Variants in PPFIA2 observed in about 807,000 individuals in gnomAD.
PPFIA2 encodes liprin-alpha-2.
A neutral mutation model predicts 175.5 loss-of-function variants in PPFIA2; 46 were observed. The ratio of observed to expected loss-of-function variants is 0.26; its 90% CI spans 0.21 to 0.34. The LOEUF (loss-of-function observed/expected upper bound fraction) is 0.34. Among genes scored for constraint, PPFIA2 ranks in the 10% least tolerant of loss-of-function variants. The pLI is 1.00. For missense variants in PPFIA2, 1,179 were observed against 1,506.1 expected (o/e 0.78, Z 3.60); for synonymous variants, 568 against 511.4 (o/e 1.11, Z -1.49).
intron 4 of PPFIA2, among the ~76,000 whole-genome samples, chr12:81,518,726 C>G (rs2062761509): frequency 6.6e-6 from 1 of 152,136 alleles, no homozygotes; most frequent in African/African-American, 2.4e-5. Context: ...TTAATAGTTG[C>G]CTCTTTTCCT....
intron 3 of PPFIA2, among the ~76,000 whole-genome samples, chr12:81,736,031 G>A (rs1295515881): frequency 6.6e-6 from 1 of 151,778 alleles, no homozygotes; most frequent in Non-Finnish European, 1.5e-5. Flanking sequence ...TGTTTTTCAA[G>A]ATTGTTTTAA....
chr12:81,439,263 T>C (rs1256826638), intron 7 of PPFIA2, among the ~76,000 whole-genome samples: 12 of 149,720 alleles, frequency 8.0e-5, no homozygotes, highest in Admixed American at 7.4e-4. Context: ...ACTATAATAA[T>C]ACTTCAGGGA....
At chr12:81,688,802 A>AATATATATAT (rs3075480) in intron 3 of PPFIA2, among the ~76,000 whole-genome samples, 5,511 of 140,600 alleles carry the variant, frequency 0.039, 122 homozygotes, top group Middle Eastern at 0.062. Context: ...TGGTTTATTA[A>AATATATATAT]ATATATATAT....
intron 13 of PPFIA2, among the ~76,000 whole-genome samples, chr12:81,367,700 TATTACATG>T: frequency 6.6e-6 from 1 of 151,640 alleles, no homozygotes; most frequent in Non-Finnish European, 1.5e-5. Flanking sequence ...AGAAACCTAA[TATTACATG>T]TCACAAAGTC....
At chr12:81,269,771 A>G (rs963656575) in intron 28 of PPFIA2, among the ~76,000 whole-genome samples, 4 of 152,172 alleles carry the variant, frequency 2.6e-5, no homozygotes, top group Admixed American at 2.0e-4. Context: ...GAATTTATCT[A>G]CGCTTTAGCA....
intron 7 of PPFIA2, among the ~76,000 whole-genome samples, chr12:81,431,670 T>C (rs562156458): frequency 2.0e-5 from 3 of 152,348 alleles, no homozygotes; most frequent in South Asian, 4.1e-4. Flanking sequence ...TTGATTCTTT[T>C]AAGATCATGA....
chr12:81,703,508 C>T (rs1192372371), intron 3 of PPFIA2, among the ~76,000 whole-genome samples: 1 of 152,094 alleles, frequency 6.6e-6, no homozygotes, highest in Non-Finnish European at 1.5e-5. Context: ...CTGTACCAAC[C>T]CACTAACTTG....
At chr12:81,394,680 G>T (rs902782012) in intron 8 of PPFIA2, among the ~76,000 whole-genome samples, 1 of 151,870 alleles carries the variant, frequency 6.6e-6, no homozygotes, top group South Asian at 2.1e-4. Context: ...GGGAGGGAGA[G>T]CATTAGGACA....
chr12:81,468,544 G>A lies in PPFIA2; in HGVS notation c.304-10678C>T, dbSNP rs919410309. ...CATCTGGTTAGGTAACACCTGCTGTGGCAAACACTCCCAGACACACAAAAT... is the reference window on the plus strand; with the variant it reads ...CATCTGGTTAGGTAACACCTGCTGTAGCAAACACTCCCAGACACACAAAAT... On this transcript the variant is annotated intron_variant, in intron 4 of 32. Transcript: ENST00000549396. Among the ~76,000 whole-genome samples, 7 of 152,232 alleles carry A rather than the reference G, an allele frequency of 4.6e-5. No individual in the cohort carries two copies. In the East Asian group the frequency reaches 1.4e-3, roughly 29 times the overall value.
chr12:81,665,475 T>C (rs901401954), intron 4 of PPFIA2, among the ~76,000 whole-genome samples: 2 of 152,084 alleles, frequency 1.3e-5, no homozygotes, highest in Non-Finnish European at 2.9e-5. Context: ...CTCACTTCTA[T>C]ATTTAACATA....
intron 30 of PPFIA2, among the ~76,000 whole-genome samples, chr12:81,264,320 T>C (rs1372665386): frequency 6.6e-6 from 1 of 152,218 alleles, no homozygotes; most frequent in Non-Finnish European, 1.5e-5. Context: ...TAAAGTACTT[T>C]TACAGACATA....
intron 8 of PPFIA2, among the ~76,000 whole-genome samples, chr12:81,404,780 A>AT (rs2142885585): frequency 6.6e-6 from 1 of 152,132 alleles, no homozygotes; most frequent in Non-Finnish European, 1.5e-5. Flanking sequence ...AAGTCCCTCT[A>AT]TTTTTTCTAA....
intron 3 of PPFIA2, among the ~76,000 whole-genome samples, chr12:81,685,473 A>C (rs1030035187): frequency 1.4e-4 from 21 of 152,234 alleles, no homozygotes; most frequent in African/African-American, 4.8e-4. Flanking sequence ...GGCCAGCCTG[A>C]ATCTGAATTT....
chr12:81,316,544 T>C (rs2052402710), intron 22 of PPFIA2, among the ~76,000 whole-genome samples: 5 of 151,340 alleles, frequency 3.3e-5, no homozygotes, highest in Admixed American at 3.3e-4. Flanking sequence ...CACATTATTA[T>C]ATCTTATATC....
At position 81,267,798 on chromosome 12, in the gene PPFIA2, C is replaced by A; in HGVS notation, c.3486+114G>T. ...TAAAACCCCAGTGACATATTTCAAACATTGAGTTAACTTTCATTAACAATC... is the reference window on the plus strand; with the variant it reads ...TAAAACCCCAGTGACATATTTCAAAAATTGAGTTAACTTTCATTAACAATC... On this transcript the variant is annotated intron_variant, in intron 29 of 32. Coordinates refer to ENST00000549396, the MANE Select transcript of PPFIA2 (RefSeq NM_003625.5). The A allele has an allele frequency of 6.3e-5, 45 of 709,112 alleles. No individual in the cohort carries two copies. The East Asian group carries it at 1.1e-3, about 17-fold the overall frequency. The allele number at this position is 709,112 out of a possible 1,614,324, so 43.9% of individuals were successfully genotyped here.
intron 15 of PPFIA2, among the ~76,000 whole-genome samples, chr12:81,361,534 A>G (rs748056870): frequency 9.2e-5 from 14 of 151,650 alleles, no homozygotes; most frequent in Non-Finnish European, 1.9e-4. Flanking sequence ...TGAGTATGGA[A>G]GTACTTAAAA....
intron 4 of PPFIA2, among the ~76,000 whole-genome samples, chr12:81,522,462 C>T (rs1250223894): frequency 2.6e-5 from 4 of 152,022 alleles, no homozygotes; most frequent in African/African-American, 7.2e-5. Flanking sequence ...TTATACAGAG[C>T]GATTTAAATA....
intron 3 of PPFIA2, among the ~76,000 whole-genome samples, chr12:81,748,310 G>C (rs185372203): frequency 1.4e-5 from 2 of 144,376 alleles, no homozygotes; most frequent in Non-Finnish European, 3.1e-5. Flanking sequence ...ATTTGTGTAG[G>C]TCAGTTGCAG....
chr12:81,550,421 A>G (rs1266064598), intron 4 of PPFIA2, among the ~76,000 whole-genome samples: 1 of 152,036 alleles, frequency 6.6e-6, no homozygotes, highest in East Asian at 1.9e-4. Flanking sequence ...TAGTAATTGG[A>G]TATCTTTGAC....
Sources: gnomAD v4.1 joint callset for allele counts (sites outside exome capture counted in the v4.1 genomes callset) on GRCh38, gnomAD v4.1.1 for gene constraint, MANE v1.5 for transcripts, NCBI Gene and HGNC (gene_info 2026-07-23, HGNC 2026-07-21) for gene names.